The following PRKG1 variants were observed in gnomAD, a reference collection of about 807,000 sequenced individuals.
The protein encoded by PRKG1 is protein kinase cGMP-dependent 1, also known as cGMP-dependent protein kinase 1.
In PRKG1, 35 loss-of-function variants were observed where a neutral mutation model predicts 88.1. The observed-to-expected ratio is 0.40, with a 90% CI of 0.30 to 0.53. The LOEUF is 0.53. PRKG1 is among the 20% of genes least tolerant of loss of function. PRKG1 has a pLI of 0.59. For synonymous variants in PRKG1, 303 were observed against 292.5 expected (o/e 1.04, Z -0.37); for missense variants, 540 against 839.8 (o/e 0.64, Z 4.41).
At chr10:51,654,628 G>A (rs142697600) in intron 3 of PRKG1, among the ~76,000 whole-genome samples, 244 of 152,060 alleles carry the variant, frequency 1.6e-3, no homozygotes, top group African/African-American at 5.7e-3. Context: ...TTAAAATAAG[G>A]TTTTCCTTGT....
At chr10:51,766,227 C>CA (rs112168815) in intron 3 of PRKG1, among the ~76,000 whole-genome samples, 10,747 of 152,134 alleles carry the variant, frequency 0.071, 1,205 homozygotes, top group African/African-American at 0.24. Flanking sequence ...CAGTTAAATA[C>CA]GACGCTTTTA....
chr10:51,806,109 C>T (rs1327777976), intron 4 of PRKG1, among the ~76,000 whole-genome samples: 1 of 152,048 alleles, frequency 6.6e-6, no homozygotes, highest in Non-Finnish European at 1.5e-5. Flanking sequence ...TGAATATTCA[C>T]TTTAAGCCTT....
At chr10:51,164,446 G>A (rs1846469608) in intron 2 of PRKG1, among the ~76,000 whole-genome samples, 1 of 152,074 alleles carries the variant, frequency 6.6e-6, no homozygotes, top group Non-Finnish European at 1.5e-5. Flanking sequence ...CAAAGATGGG[G>A]AAAAAACAGA....
intron 2 of PRKG1, among the ~76,000 whole-genome samples, chr10:51,393,057 T>C (rs1344748121): frequency 2.8e-4 from 27 of 97,146 alleles, no homozygotes; most frequent in African/African-American, 8.4e-4. Flanking sequence ...TCCTCACTTC[T>C]CAGGCGGGGC....
At chr10:52,161,569 G>T (rs1838276791) in intron 8 of PRKG1, among the ~76,000 whole-genome samples, 1 of 152,052 alleles carries the variant, frequency 6.6e-6, no homozygotes, top group Admixed American at 6.6e-5. Context: ...GATTAACTTT[G>T]TGGTGTATAT....
chr10:51,213,317 G>A (rs970800878), intron 2 of PRKG1, among the ~76,000 whole-genome samples: 1 of 152,156 alleles, frequency 6.6e-6, no homozygotes, highest in South Asian at 2.1e-4. Context: ...GGACTGTTGT[G>A]GGGTTGGGGG....
intron 5 of PRKG1, among the ~76,000 whole-genome samples, chr10:52,024,356 T>C (rs1157426439): frequency 6.6e-6 from 1 of 152,038 alleles, no homozygotes; most frequent in African/African-American, 2.4e-5. Flanking sequence ...ATACTTTAAG[T>C]TCTAGGGTAC....
intron 3 of PRKG1, among the ~76,000 whole-genome samples, chr10:51,529,791 A>C (rs1303535970): frequency 4.6e-5 from 7 of 152,226 alleles, no homozygotes; most frequent in African/African-American, 4.8e-5. Context: ...CAAATTATGA[A>C]GATTTAAACA....
At chr10:51,698,128 T>C (rs1311496343) in intron 3 of PRKG1, 2 of 1,614,068 alleles carry the variant, frequency 1.2e-6, no homozygotes, top group Non-Finnish European at 1.7e-6. Flanking sequence ...GACCCTGAAT[T>C]CCACCAGTCA....
chr10:51,046,233 C>T (rs1564580439), intron 1 of PRKG1, among the ~76,000 whole-genome samples: 1 of 152,190 alleles, frequency 6.6e-6, no homozygotes, highest in Non-Finnish European at 1.5e-5. Context: ...TTTAACCAAC[C>T]AAGTAAGTAC....
At chr10:51,026,132 G>A (rs945598028) in intron 1 of PRKG1, among the ~76,000 whole-genome samples, 1 of 152,144 alleles carries the variant, frequency 6.6e-6, no homozygotes, top group South Asian at 2.1e-4. Context: ...TAGGAGAGAT[G>A]CATGGAACAG....
chr10:51,604,510 A>T (rs1838703642), intron 3 of PRKG1, among the ~76,000 whole-genome samples: 2 of 152,212 alleles, frequency 1.3e-5, no homozygotes, highest in African/African-American at 4.8e-5. Flanking sequence ...ATTCACAACC[A>T]CATCATGGGC....
chr10:51,793,159 C>A (rs73347270), intron 3 of PRKG1, among the ~76,000 whole-genome samples: 259 of 71,146 alleles, frequency 3.6e-3, no homozygotes, highest in African/African-American at 0.012. Context: ...AAAAAAAAAA[C>A]CAGAACAACA....
chr10:51,788,923 ATATGTAC>A (rs1310078912), intron 3 of PRKG1, among the ~76,000 whole-genome samples: 1 of 152,200 alleles, frequency 6.6e-6, no homozygotes, highest in Non-Finnish European at 1.5e-5. Context: ...GGCTTCTGGC[ATATGTAC>A]ACTGTTTGCA....
chr10:52,195,133 T>C, intron 9 of PRKG1, among the ~76,000 whole-genome samples: 1 of 152,150 alleles, frequency 6.6e-6, no homozygotes, highest in Non-Finnish European at 1.5e-5. Context: ...ATAACTCCTA[T>C]ATAAATGAAA....
chr10:51,715,968 C>T (rs764429721), intron 3 of PRKG1, among the ~76,000 whole-genome samples: 19 of 152,176 alleles, frequency 1.2e-4, no homozygotes, highest in Admixed American at 2.0e-4. Context: ...GATGCCAAGC[C>T]GTTCTATATT....
intron 4 of PRKG1, among the ~76,000 whole-genome samples, chr10:51,893,709 C>A (rs1378201373): frequency 1.3e-5 from 2 of 152,116 alleles, no homozygotes; most frequent in Non-Finnish European, 2.9e-5. Flanking sequence ...AGCCCCTTGG[C>A]CAAATATTTC....
intron 2 of PRKG1, among the ~76,000 whole-genome samples, chr10:51,250,613 T>A (rs1839402388): frequency 6.6e-6 from 1 of 151,830 alleles, no homozygotes; most frequent in Non-Finnish European, 1.5e-5. Context: ...CACCATCCTT[T>A]CTTTCTAAAG....
chr10:51,464,339 C>A (rs941816308), intron 2 of PRKG1, among the ~76,000 whole-genome samples: 2 of 151,946 alleles, frequency 1.3e-5, no homozygotes, highest in African/African-American at 4.8e-5. Context: ...ACATCACATC[C>A]CTTACTTTTT....
Sources: gnomAD v4.1 joint callset for allele counts (sites outside exome capture counted in the v4.1 genomes callset) on GRCh38, gnomAD v4.1.1 for gene constraint, MANE v1.5 for transcripts, NCBI Gene and HGNC (gene_info 2026-07-23, HGNC 2026-07-21) for gene names.